Variants in CNBD1 observed in about 807,000 individuals in gnomAD.
CNBD1 encodes cyclic nucleotide binding domain containing 1.
In CNBD1, 71 loss-of-function variants were observed where a neutral mutation model predicts 54.4. That is an observed-to-expected ratio of 1.30 (90% CI 1.08 to 1.59). The LOEUF (loss-of-function observed/expected upper bound fraction) is 1.59. Among genes scored for constraint, CNBD1 ranks in the 40% most tolerant of loss-of-function variants. CNBD1 has a pLI of 0.00. For missense variants in CNBD1, 659 were observed against 518.0 expected (o/e 1.27, Z -2.64); for synonymous variants, 182 against 170.7 (o/e 1.07, Z -0.51).
At position 86,981,449 on chromosome 8, in the gene CNBD1, G is replaced by A. The variant is rs1808486174; in HGVS notation, c.431+41695G>A. 4.6e-5 allele frequency among the ~76,000 whole-genome samples: 7 copies of A among 152,172 alleles called. No homozygotes were observed. The South Asian group carries it at 1.5e-3, about 32-fold the overall frequency. On this transcript the variant is annotated intron_variant, in intron 4 of 10. Transcript: ENST00000518476. ...ACCCAGATTCTGGTCTTTAACCTAA[G>A]AATTACTGAGCTATAATTTATATAA... is the stretch of plus-strand genomic sequence containing the variant.
At chr8:87,237,906 C>T (rs1256035263) in intron 6 of CNBD1, among the ~76,000 whole-genome samples, 2 of 152,108 alleles carry the variant, frequency 1.3e-5, no homozygotes, top group Non-Finnish European at 1.5e-5. Context: ...ATTCATCTCA[C>T]ATGAATGAAT....
chr8:87,008,907 T>C (rs906402976), intron 4 of CNBD1, among the ~76,000 whole-genome samples: 14 of 152,196 alleles, frequency 9.2e-5, no homozygotes, highest in South Asian at 2.1e-4. Context: ...TTAGATACTT[T>C]CTTATTCAGT....
rs1809554945 is a variant in CNBD1 at position 87,322,314 on chromosome 8, T to C, written c.1043-29371T>C. On this transcript the variant is annotated intron_variant, in intron 8 of 10. Transcript: ENST00000518476. The stretch of plus-strand genomic sequence containing the variant: ...CATGATTTATAGTCATTTGGGTATA[T>C]ACCCAGTAATGGGATGGCTGGGTCA... Among the ~76,000 whole-genome samples, 15 of 121,970 alleles carry C rather than the reference T, an allele frequency of 1.2e-4. No individual in the cohort carries two copies. In the South Asian group the frequency reaches 3.6e-3, roughly 29 times the overall value. 80.0% of individuals were successfully genotyped at this position (121,970 alleles called of 152,430 possible).
intron 4 of CNBD1, among the ~76,000 whole-genome samples, chr8:87,140,290 G>A (rs1173917012): frequency 1.3e-5 from 2 of 152,126 alleles, no homozygotes; most frequent in East Asian, 3.9e-4. Context: ...AACAAATAAT[G>A]TGAAAATGTT....
intron 10 of CNBD1, among the ~76,000 whole-genome samples, chr8:87,380,522 A>C (rs926828062): frequency 6.6e-6 from 1 of 151,938 alleles, no homozygotes; most frequent in Non-Finnish European, 1.5e-5. Context: ...TTCCATATGA[A>C]ATAAAAAATT....
chr8:87,323,377 T>A (rs1315687774), intron 8 of CNBD1, among the ~76,000 whole-genome samples: 7 of 139,350 alleles, frequency 5.0e-5, no homozygotes, highest in Non-Finnish European at 7.8e-5. Flanking sequence ...TGGCATTGAA[T>A]CTGTAAATTA....
chr8:87,009,448 G>C (rs527958174), intron 4 of CNBD1, among the ~76,000 whole-genome samples: 290 of 151,878 alleles, frequency 1.9e-3, no homozygotes, highest in African/African-American at 6.8e-3. Context: ...CTACAGGCAC[G>C]TGCCACAACA....
intron 1 of CNBD1, among the ~76,000 whole-genome samples, chr8:86,874,620 G>T (rs1808488293): frequency 6.6e-6 from 1 of 151,880 alleles, no homozygotes; most frequent in African/African-American, 2.4e-5. Flanking sequence ...CTTTATTTGG[G>T]TTAAAAAATA....
At chr8:86,894,035 ATTTTTTTTTTTTTTTTTTTTTTTTT>A (rs869060076) in intron 2 of CNBD1, among the ~76,000 whole-genome samples, 1 of 52,342 alleles carries the variant, frequency 1.9e-5, no homozygotes. Flanking sequence ...TAATAGATTA[ATTTTTTTTTTTTTTTTTTTTTTTTT>A]TTTTTTTTTT....
intron 2 of CNBD1, among the ~76,000 whole-genome samples, chr8:87,395,217 T>C (rs1811387860): frequency 6.6e-6 from 1 of 151,902 alleles, no homozygotes; most frequent in African/African-American, 2.4e-5. Flanking sequence ...TATTTTAAAG[T>C]TGCAAAAACA....
At chr8:87,399,529 C>T (rs1324799513) in intron 2 of CNBD1, among the ~76,000 whole-genome samples, 2 of 152,004 alleles carry the variant, frequency 1.3e-5, no homozygotes, top group African/African-American at 4.8e-5. Context: ...CCAGCACTTA[C>T]AGTCTGAGTT....
chr8:86,988,842 C>T (rs1342599081), intron 4 of CNBD1, among the ~76,000 whole-genome samples: 2 of 152,132 alleles, frequency 1.3e-5, no homozygotes, highest in Non-Finnish European at 2.9e-5. Flanking sequence ...AAGTTGAAAA[C>T]GACAGGATCT....
intron 4 of CNBD1, among the ~76,000 whole-genome samples, chr8:87,032,601 G>A (rs536423341): frequency 6.6e-6 from 1 of 152,254 alleles, no homozygotes; most frequent in South Asian, 2.1e-4. Flanking sequence ...GGAGGATGTG[G>A]AAGGGGAGGC....
intron 5 of CNBD1, among the ~76,000 whole-genome samples, chr8:87,212,997 CT>C (rs1324795716): frequency 2.0e-5 from 3 of 151,880 alleles, no homozygotes; most frequent in Non-Finnish European, 4.4e-5. Flanking sequence ...ACTTGTAAAC[CT>C]GAGTAACAAG....
chr8:87,304,102 G>A (rs1242101339), intron 8 of CNBD1, among the ~76,000 whole-genome samples: 1 of 152,048 alleles, frequency 6.6e-6, no homozygotes, highest in East Asian at 1.9e-4. Flanking sequence ...TCTAGAACTA[G>A]AAATACCATT....
intron 5 of CNBD1, among the ~76,000 whole-genome samples, chr8:87,209,085 T>G (rs766373424): frequency 2.0e-5 from 3 of 152,060 alleles, no homozygotes; most frequent in Non-Finnish European, 2.9e-5. Context: ...AGAAATAAAA[T>G]CTTTAGCTGA....
At chr8:87,375,076 T>C (rs934402684) in intron 10 of CNBD1, among the ~76,000 whole-genome samples, 3 of 151,958 alleles carry the variant, frequency 2.0e-5, no homozygotes, top group African/African-American at 7.2e-5. Context: ...AAAATAATTA[T>C]ACAGTACATT....
chr8:87,428,502 AT>A (rs1280518176), intron 2 of CNBD1: 9 of 342,888 alleles, frequency 2.6e-5, no homozygotes, highest in East Asian at 8.2e-5. Flanking sequence ...TATGAAGATT[AT>A]TTTTTTATGA....
chr8:87,402,168 A>G (rs577896332), intron 2 of CNBD1, among the ~76,000 whole-genome samples: 1 of 151,996 alleles, frequency 6.6e-6, no homozygotes, highest in East Asian at 1.9e-4. Context: ...AAACCATCAA[A>G]TCTCATGAGA....
Sources: allele counts gnomAD v4.1 joint callset (sites outside exome capture counted in the v4.1 genomes callset), GRCh38; gene constraint gnomAD v4.1.1; transcripts MANE v1.5; gene names NCBI Gene and HGNC (gene_info 2026-07-23, HGNC 2026-07-21).